Variants in SLC20A2 observed in about 807,000 individuals in gnomAD.
SLC20A2 encodes the protein sodium-dependent phosphate transporter 2.
SLC20A2 carries 30 observed loss-of-function variants against 61.0 expected under a neutral mutation model. The ratio of observed to expected loss-of-function variants is 0.49; its 90% confidence interval spans 0.37 to 0.67. The LOEUF (loss-of-function observed/expected upper bound fraction) is 0.67, where lower values mean the gene tolerates loss of function less well. SLC20A2 is among the 30% of genes least tolerant of loss of function. The pLI is 0.00. For synonymous variants in SLC20A2, 351 were observed against 353.3 expected, an observed-to-expected ratio of 0.99 and a Z score of 0.07; for missense variants, 626 against 866.4, an observed-to-expected ratio of 0.72 and a Z score of 3.48.
Position 42,481,886 on chromosome 8 carries a change from C to A in SLC20A2, c.-264-9232G>T, listed in dbSNP as rs188791663. ...GTCTCATTCCTGCTCTGTCCACACT[C>A]CCTCCGCATTCTTCTCATTTCCACA... On this transcript the variant is annotated intron_variant, in intron 1 of 10. Coordinates refer to ENST00000520262, the MANE Select transcript of SLC20A2 (RefSeq NM_001257180.2). 9.9e-4 allele frequency among the ~76,000 whole-genome samples: 151 copies of A among 152,310 alleles called. 1 individual carries two copies. The highest frequency in any genetic ancestry group is 3.6e-3 in the African/African-American group (149 of 41,574).
At chr8:42,454,602 C>G (rs1375627566) in intron 5 of SLC20A2, among the ~76,000 whole-genome samples, 1 of 150,388 alleles carries the variant, frequency 6.6e-6, no homozygotes, top group Non-Finnish European at 1.5e-5. Flanking sequence ...GAATAATGAA[C>G]TTCAAGATCC....
intron 1 of SLC20A2, chr8:42,536,498 T>C (rs1015634644): frequency 3.9e-5 from 6 of 152,236 alleles, no homozygotes; most frequent in Non-Finnish European, 8.8e-5. Flanking sequence ...ATTCAGTGAC[T>C]GTTGATGCCC....
At chr8:42,526,403 G>A (rs1811938780) in intron 1 of SLC20A2, among the ~76,000 whole-genome samples, 1 of 151,982 alleles carries the variant, frequency 6.6e-6, no homozygotes, top group Non-Finnish European at 1.5e-5. Flanking sequence ...GCTGGGTGTG[G>A]TGGCTCACGC....
intron 8 of SLC20A2, among the ~76,000 whole-genome samples, chr8:42,431,619 G>A (rs1041823391): frequency 1.3e-5 from 2 of 152,240 alleles, no homozygotes; most frequent in African/African-American, 4.8e-5. Flanking sequence ...ATTGGTAGAA[G>A]ATGCCAGCTA....
intron 6 of SLC20A2, among the ~76,000 whole-genome samples, chr8:42,443,651 A>T (rs1417377311): frequency 6.6e-6 from 1 of 152,004 alleles, no homozygotes; most frequent in East Asian, 1.9e-4. Context: ...CATTTTAAGC[A>T]TCCAGGTTAT....
At chr8:42,457,541 C>T (rs535035645) in intron 5 of SLC20A2, among the ~76,000 whole-genome samples, 2 of 151,606 alleles carry the variant, frequency 1.3e-5, no homozygotes, top group Admixed American at 6.6e-5. Flanking sequence ...AGGGCAGTGG[C>T]GCAAGCTTGG....
At chr8:42,435,770 G>C (rs1362382411) in intron 8 of SLC20A2, among the ~76,000 whole-genome samples, 2 of 152,216 alleles carry the variant, frequency 1.3e-5, no homozygotes, top group African/African-American at 2.4e-5. Context: ...CGTGCAGTGG[G>C]GAGAACTAGG....
At chr8:42,481,656 A>T (rs1808561257) in intron 1 of SLC20A2, among the ~76,000 whole-genome samples, 1 of 152,226 alleles carries the variant, frequency 6.6e-6, no homozygotes, top group Non-Finnish European at 1.5e-5. Context: ...AGGGCCAGGA[A>T]GAGGCCGTTT....
intron 10 of SLC20A2, among the ~76,000 whole-genome samples, chr8:42,426,012 G>C (rs1362182711): frequency 6.6e-6 from 1 of 151,988 alleles, no homozygotes; most frequent in Non-Finnish European, 1.5e-5. Context: ...CTCCAGCCTG[G>C]GTGACAGAGC....
At chr8:42,484,688 C>A in intron 1 of SLC20A2, 1 of 381,482 alleles carries the variant, frequency 2.6e-6, no homozygotes, top group Non-Finnish European at 5.1e-6. Flanking sequence ...AATGTGCAGT[C>A]TGATGAAGTG....
rs147882946 is a variant in SLC20A2 at position 42,456,985 on chromosome 8, G to A, written c.613+2911C>T. ...GTCGACGAGGCTGGAGTGCAGTGGCGGGATCTCGGCTCACTGCAATCTCCA... is the reference window on the plus strand; with the variant it reads ...GTCGACGAGGCTGGAGTGCAGTGGCAGGATCTCGGCTCACTGCAATCTCCA... On this transcript the variant is annotated intron_variant, in intron 5 of 10. Coordinates refer to ENST00000520262, the MANE Select transcript of SLC20A2 (RefSeq NM_001257180.2). Among the ~76,000 whole-genome samples, 936 of 151,974 alleles carry A rather than the reference G, an allele frequency of 6.2e-3. 9 individuals carry two copies. Among genetic ancestry groups the A allele is most frequent in the Middle Eastern group, 0.01 (3 of 294 alleles).
chr8:42,445,920 C>T (rs1805179177), intron 5 of SLC20A2, among the ~76,000 whole-genome samples: 1 of 152,214 alleles, frequency 6.6e-6, no homozygotes, highest in African/African-American at 2.4e-5. Context: ...TAACCACATA[C>T]ACAGAACTTC....
chr8:42,481,892 G>A (rs75227514), intron 1 of SLC20A2, among the ~76,000 whole-genome samples: 2,089 of 152,112 alleles, frequency 0.014, 49 homozygotes, highest in African/African-American at 0.047. Flanking sequence ...CACTCCCTCC[G>A]CATTCTTCTC....
chr8:42,437,657 T>TC lies in SLC20A2; in HGVS notation c.935-81dup. 8.1e-7 allele frequency: 1 copy of TC among 1,231,796 alleles called. No individual in the cohort carries two copies. Among genetic ancestry groups the TC allele is most frequent in the Admixed American group, 3.0e-5 (1 of 33,516 alleles). The allele number at this position is 1,231,796 out of a possible 1,614,324, so 76.3% of individuals were successfully genotyped here. On this transcript the variant is annotated intron_variant, in intron 7 of 10. Coordinates refer to ENST00000520262, the MANE Select transcript of SLC20A2 (RefSeq NM_001257180.2). The surrounding 1 kb of genome is among the most constrained non-coding windows in gnomAD (Gnocchi z 6.4). Reference sequence around the variant, plus strand: ...CTTTTTGAGACGGAGCCTTGCTCTGTCCTCAGGGTGGAGTACAATGGCGCA... The same window carrying TC: ...CTTTTTGAGACGGAGCCTTGCTCTGTCCCTCAGGGTGGAGTACAATGGCGCA...
intron 1 of SLC20A2, among the ~76,000 whole-genome samples, chr8:42,536,954 A>C (rs1812742758): frequency 6.6e-6 from 1 of 152,100 alleles, no homozygotes; most frequent in Non-Finnish European, 1.5e-5. Context: ...AAGCACCTGT[A>C]ATCACAACTA....
At chr8:42,434,895 CGT>C (rs769243733) in intron 8 of SLC20A2, among the ~76,000 whole-genome samples, 22 of 151,798 alleles carry the variant, frequency 1.4e-4, no homozygotes, top group African/African-American at 2.2e-4. Flanking sequence ...TGTGAGTGTG[CGT>C]GTGAGTGCGC....
chr8:42,433,471 G>A (rs1045668158), intron 8 of SLC20A2, among the ~76,000 whole-genome samples: 10 of 152,030 alleles, frequency 6.6e-5, no homozygotes, highest in African/African-American at 4.8e-5. Context: ...TTACAGGCAC[G>A]TGCCACCACG....
At position 42,459,971 on chromosome 8, in the gene SLC20A2, G is replaced by A; in HGVS notation, c.538C>T (p.Leu180Phe). The change falls in exon 5 of 11, where the codon CTC (leucine) becomes TTC (phenylalanine). Residue 180 changes from leucine to phenylalanine, a missense_variant. Leu to Phe is a conservative substitution (Grantham distance 22, BLOSUM62 0). Coordinates refer to ENST00000520262, the MANE Select transcript of SLC20A2 (RefSeq NM_001257180.2). ...LKKEDPVPNG[L>F]RALPVFYAAT... The stretch of plus-strand genomic sequence containing the variant: ...GCATAGAATACTGGGAGTGCCCGGA[G>A]GCCATTGGGAACAGGGTCTTCCTGT... The A allele has an allele frequency of 6.2e-7, 1 of 1,612,038 alleles. No homozygotes were observed. Among genetic ancestry groups the A allele is most frequent in the Admixed American group, 1.7e-5 (1 of 59,946 alleles).
chr8:42,533,296 T>C (rs952842997), intron 1 of SLC20A2, among the ~76,000 whole-genome samples: 6 of 152,184 alleles, frequency 3.9e-5, no homozygotes, highest in Admixed American at 1.3e-4. Flanking sequence ...CTCTTCGTTC[T>C]AATCAACAAA....
Sources: allele counts gnomAD v4.1 joint callset (sites outside exome capture counted in the v4.1 genomes callset), GRCh38; gene constraint gnomAD v4.1.1; non-coding constraint Gnocchi (gnomAD v3.1); transcripts MANE v1.5; gene names NCBI Gene and HGNC (gene_info 2026-07-23, HGNC 2026-07-21).